MYH9: variants seen among roughly 807,000 people sequenced by gnomAD.
MYH9 encodes myosin heavy chain 9.
In MYH9, 29 loss-of-function variants were observed where a neutral mutation model predicts 241.9. The observed-to-expected ratio is 0.12, with a 90% confidence interval of 0.09 to 0.16. MYH9 has a LOEUF of 0.16. Ranked by LOEUF, MYH9 falls within the 10% of genes least tolerant of loss-of-function variation. MYH9 has a pLI of 1.00. For synonymous variants in MYH9, 1,047 were observed against 1,062.6 expected (o/e 0.99, Z 0.29); for missense variants, 1,803 against 2,595.5 (o/e 0.69, Z 6.63).
Position 36,314,208 on chromosome 22 carries a change from G to T in MYH9, c.1491C>A (p.Ile497=), listed in dbSNP as rs146487404. 3.1e-6 allele frequency: 5 copies of T among 1,614,124 alleles called. No individual in the cohort carries two copies. The highest frequency in any genetic ancestry group is 1.3e-5 in the African/African-American group (1 of 74,928). Reference sequence around the variant, plus strand: ...GGCCAAAGTCGATGAAGTTCCACTCGATGCCCTCGCGCTGGTACTCCTCCT... The same window carrying T: ...GGCCAAAGTCGATGAAGTTCCACTCTATGCCCTCGCGCTGGTACTCCTCCT... ...LEQEEYQREG[I]EWNFIDFGLD... is the part of the protein sequence containing the mutation. The change falls in exon 13 of 41, where the codon ATC becomes ATA. Residue 497 remains isoleucine (I), a synonymous_variant. Coordinates refer to ENST00000216181, the MANE Select transcript of MYH9 (RefSeq NM_002473.6).
chr22:36,341,658 C>G lies in MYH9; in HGVS notation c.334-132G>C, dbSNP rs11913874. ...CTGATGTGAAGGCACTCCCTGATGG[C>G]CCTTGCTCCCAGTGGCCCAGCTCCC... is the stretch of plus-strand genomic sequence containing the variant. On this transcript the variant is annotated intron_variant, in intron 2 of 40. Coordinates refer to ENST00000216181, the MANE Select transcript of MYH9 (RefSeq NM_002473.6). 22,633 of 1,023,528 alleles carry G rather than the reference C, an allele frequency of 0.022. 796 individuals carry two copies. Among genetic ancestry groups the G allele is most frequent in the African/African-American group, 0.14 (8,756 of 62,446 alleles). 63.4% of individuals were successfully genotyped at this position (1,023,528 alleles called of 1,614,324 possible). A position where few individuals can be genotyped will look rare whatever the true frequency, so the allele number is the denominator to read the frequency against.
chr22:36,318,738 C>T (rs1451707314), intron 10 of MYH9, among the ~76,000 whole-genome samples: 4 of 151,802 alleles, frequency 2.6e-5, no homozygotes, highest in Admixed American at 6.6e-5. Flanking sequence ...TGCTGGGGCA[C>T]GGAACAGCAC....
At chr22:36,387,629 C>T (rs1168844683) in intron 1 of MYH9, among the ~76,000 whole-genome samples, 178 bp downstream of exon 1, 1 of 151,526 alleles carries the variant, frequency 6.6e-6, no homozygotes, top group Admixed American at 6.6e-5. Context: ...GTGGGGGTCC[C>T]GGTCCCCCTG....
At chr22:36,297,396 G>A (rs9610486) in intron 24 of MYH9, 112,208 of 207,536 alleles carry the variant, frequency 0.54, 34,427 homozygotes, top group Non-Finnish European at 0.69. Context: ...AGTTGGAATC[G>A]CACGGTCAGG....
rs1481570838 is a variant in MYH9 at position 36,304,019 on chromosome 22, C to T, written c.2366G>A (p.Cys789Tyr). ...CTTCCTGGCCAGGTAGCCCCTGCAG[C>T]AGGCCTGGAACCCTATGATGACGTC... The part of the protein sequence containing the change: ...ITDVIIGFQA[C>Y]CRGYLARKAF... The change falls in exon 19 of 41, where the codon TGC becomes TAC. Residue 789 changes from cysteine (C) to tyrosine (Y), a missense_variant. Physicochemically the swap from Cys to Tyr is radical, Grantham distance 194. Transcript: ENST00000216181. 6.2e-7 allele frequency: 1 copy of T among 1,613,622 alleles called. No individual in the cohort carries two copies. Among genetic ancestry groups the T allele is most frequent in the Non-Finnish European group, 8.5e-7 (1 of 1,180,034 alleles).
chr22:36,352,358 CT>C (rs2017778746), intron 1 of MYH9, among the ~76,000 whole-genome samples: 2 of 152,246 alleles, frequency 1.3e-5, no homozygotes. Context: ...CGGCCCGCTA[CT>C]GTCGGCGCAA....
intron 31 of MYH9, among the ~76,000 whole-genome samples, chr22:36,290,486 T>A (rs2016671804): frequency 6.6e-6 from 1 of 152,190 alleles, no homozygotes; most frequent in Admixed American, 6.5e-5. Flanking sequence ...TGGCGTGATC[T>A]CGGCTTGCTA....
intron 15 of MYH9, chr22:36,308,849 GCTCT>G (rs2017013980): frequency 1.0e-6 from 1 of 985,416 alleles, no homozygotes; most frequent in Non-Finnish European, 1.2e-6. Flanking sequence ...ATAGAAATAG[GCTCT>G]CTGAGTGCTC....
chr22:36,370,399 C>A (rs1485969569), intron 1 of MYH9, among the ~76,000 whole-genome samples: 4 of 152,228 alleles, frequency 2.6e-5, no homozygotes, highest in Non-Finnish European at 5.9e-5. Context: ...GTATCAAGTG[C>A]TCACCATGGG....
At chr22:36,321,865 T>A in intron 6 of MYH9, 44 bp from the exon 7 acceptor site, 1 of 1,558,332 alleles carries the variant, frequency 6.4e-7, no homozygotes. Context: ...GCCCCTGACA[T>A]GGGGAGCTAG....
chr22:36,368,880 CA>C (rs1328952593), intron 1 of MYH9, among the ~76,000 whole-genome samples: 36 of 132,046 alleles, frequency 2.7e-4, no homozygotes, highest in African/African-American at 1.0e-3. Flanking sequence ...TCACATTCTT[CA>C]GATTCTTGTG....
chr22:36,325,711 A>G (rs1221358420), intron 5 of MYH9, among the ~76,000 whole-genome samples: 1 of 152,200 alleles, frequency 6.6e-6, no homozygotes, highest in African/African-American at 2.4e-5. Flanking sequence ...CAGGTTCCGC[A>G]TGGGACATGA....
intron 1 of MYH9, among the ~76,000 whole-genome samples, chr22:36,352,410 T>C (rs1235728123): frequency 6.6e-6 from 1 of 152,102 alleles, no homozygotes; most frequent in African/African-American, 2.4e-5. Context: ...GCTCTGACCG[T>C]CCTCAAACGC....
rs1239797503 is a variant in MYH9, at chr22:36,305,956, C to T, written c.2133G>A (p.Arg711=). Residue 711 remains arginine, a synonymous_variant, in exon 17 of 41, where the codon AGG becomes AGA. Transcript: ENST00000216181. This position sits in a 1 kb window ranked among gnomAD's most constrained non-coding sequence, Gnocchi z 4.7. ...TCTGCCGAAACTCCTGGAAGACCAC[C>T]CTGTTGGGGAAGCCCTGGCGGCAGA... ...IRICRQGFPN[R]VVFQEFRQRY... is the part of the protein sequence containing the mutation. 6.2e-7 allele frequency: 1 copy of T among 1,613,276 alleles called. No homozygotes were observed. The highest frequency in any genetic ancestry group is 1.3e-5 in the African/African-American group (1 of 74,934).
rs750911335 is a variant in MYH9, at chr22:36,294,190, G to A, written c.3739C>T (p.Arg1247Cys). 1.4e-5 allele frequency: 22 copies of A among 1,613,922 alleles called. No individual in the cohort carries two copies. The highest frequency in any genetic ancestry group is 8.8e-5 in the South Asian group (8 of 91,084). Residue 1247 changes from arginine to cysteine, a missense_variant, in exon 28 of 41, where the codon CGC (arginine) becomes TGC (cysteine). Arg to Cys is a radical substitution (Grantham distance 180, BLOSUM62 -3). Around this residue, in one of 11 missense-constraint regions of MYH9, gnomAD observed 876 missense variants for 1,077.8 expected, o/e 0.81. Coordinates refer to ENST00000216181, the MANE Select transcript of MYH9 (RefSeq NM_002473.6). ...LQGKGDSEHK[R>C]KKVEAQLQEL... ...TGCAGCTGCGCCTCCACTTTCTTGC[G>A]CTTGTGCTCCGAGTCCCCTTTGCCC...
intron 3 of MYH9, among the ~76,000 whole-genome samples, chr22:36,338,670 A>C (rs1285548449): frequency 6.6e-6 from 1 of 152,058 alleles, no homozygotes; most frequent in Non-Finnish European, 1.5e-5. Context: ...ATACAAAAAA[A>C]TTAGCCAGGC....
intron 1 of MYH9, among the ~76,000 whole-genome samples, chr22:36,356,309 G>T (rs2017854566): frequency 1.3e-5 from 2 of 152,146 alleles, no homozygotes; most frequent in Non-Finnish European, 2.9e-5. Flanking sequence ...GGCCAGGCGT[G>T]GTGGCTCATG....
intron 40 of MYH9, among the ~76,000 whole-genome samples, chr22:36,283,822 G>T (rs1480940633): frequency 2.6e-5 from 4 of 152,232 alleles, no homozygotes; most frequent in African/African-American, 9.7e-5. Flanking sequence ...CACCTAACAT[G>T]TGCCAGGACT....
At chr22:36,354,232 A>G (rs2017815977) in intron 1 of MYH9, among the ~76,000 whole-genome samples, 1 of 151,320 alleles carries the variant, frequency 6.6e-6, no homozygotes, top group Non-Finnish European at 1.5e-5. Context: ...ATTTTATCCA[A>G]CCCATTTTAC....
Sources: gnomAD v4.1 joint callset for allele counts (sites outside exome capture counted in the v4.1 genomes callset) on GRCh38, gnomAD v4.1.1 for gene constraint, gnomAD v4.1.1 regional missense constraint, Gnocchi (gnomAD v3.1) non-coding constraint, MANE v1.5 for transcripts, NCBI Gene and HGNC (gene_info 2026-07-23, HGNC 2026-07-21) for gene names.